Variants in LPP observed in about 807,000 individuals in gnomAD.
LPP encodes the protein lipoma-preferred partner.
A neutral mutation model predicts 60.4 loss-of-function variants in LPP; 38 were observed. The ratio of observed to expected loss-of-function variants is 0.63; its 90% confidence interval spans 0.49 to 0.83. The LOEUF (loss-of-function observed/expected upper bound fraction) is 0.83, where lower values mean the gene tolerates loss of function less well. Among genes scored for constraint, LPP ranks in the 40% least tolerant of loss-of-function variants. The pLI is 0.00. For missense variants in LPP, 902 were observed against 783.6 expected, an observed-to-expected ratio of 1.15 and a Z score of -1.80; for synonymous variants, 328 against 290.8, an observed-to-expected ratio of 1.13 and a Z score of -1.30.
At chr3:188,213,207 G>T (rs1388415040) in intron 1 of LPP, among the ~76,000 whole-genome samples, 1 of 152,134 alleles carries the variant, frequency 6.6e-6, no homozygotes, top group Non-Finnish European at 1.5e-5. Flanking sequence ...AAACAGTTAT[G>T]GTGGGATTTA....
intron 3 of LPP, among the ~76,000 whole-genome samples, chr3:188,390,291 T>C (rs114685114): frequency 0.01 from 1,537 of 152,304 alleles, 30 homozygotes; most frequent in African/African-American, 0.035. Flanking sequence ...CATTTCTTCC[T>C]CTAGATCACA....
At chr3:188,543,467 C>T (rs1825743235) in intron 6 of LPP, among the ~76,000 whole-genome samples, 1 of 152,190 alleles carries the variant, frequency 6.6e-6, no homozygotes, top group Non-Finnish European at 1.5e-5. Flanking sequence ...ACTCAGTCTG[C>T]ACTTGTATCT....
At chr3:188,472,438 T>G (rs1162547589) in intron 4 of LPP, 1 of 152,062 alleles carries the variant, frequency 6.6e-6, no homozygotes, top group African/African-American at 2.4e-5. Context: ...AATGAGTGTC[T>G]CTATTTGATT....
intron 4 of LPP, among the ~76,000 whole-genome samples, chr3:188,429,925 T>A (rs1790470597): frequency 6.6e-6 from 1 of 152,192 alleles, no homozygotes; most frequent in Non-Finnish European, 1.5e-5. Context: ...CAGGCTTCCT[T>A]ATAGCACTGT....
At chr3:188,179,529 T>C in intron 1 of LPP, 1 of 457,726 alleles carries the variant, frequency 2.2e-6, no homozygotes, top group Non-Finnish European at 4.4e-6. Flanking sequence ...ACACTTAGAG[T>C]TCCTCTCGTG....
At chr3:188,426,034 T>C (rs1417740987) in intron 4 of LPP, among the ~76,000 whole-genome samples, 1 of 152,216 alleles carries the variant, frequency 6.6e-6, no homozygotes, top group East Asian at 1.9e-4. Flanking sequence ...GTTCTTTTAA[T>C]TGCAACGTTA....
chr3:188,328,711 G>A (rs899117192), intron 2 of LPP, among the ~76,000 whole-genome samples: 9 of 152,166 alleles, frequency 5.9e-5, no homozygotes, highest in Admixed American at 3.9e-4. Context: ...GACAATCATC[G>A]TAGTTTGATC....
At chr3:188,351,576 C>T (rs1765851567) in intron 3 of LPP, among the ~76,000 whole-genome samples, 1 of 152,148 alleles carries the variant, frequency 6.6e-6, no homozygotes, top group Non-Finnish European at 1.5e-5. Flanking sequence ...ATGTGACAGG[C>T]CTTGTGACAG....
At chr3:188,206,343 G>A (rs1383965505) in intron 1 of LPP, among the ~76,000 whole-genome samples, 4 of 152,152 alleles carry the variant, frequency 2.6e-5, no homozygotes, top group African/African-American at 9.7e-5. Flanking sequence ...TTGCAACCTG[G>A]TTGTGTCTCC....
intron 9 of LPP, among the ~76,000 whole-genome samples, chr3:188,834,911 G>A (rs1483123037): frequency 6.6e-6 from 1 of 152,132 alleles, no homozygotes; most frequent in African/African-American, 2.4e-5. Context: ...CATAGAGCAT[G>A]ACAAAATTCA....
intron 1 of LPP, among the ~76,000 whole-genome samples, chr3:188,203,314 T>A (rs1336209165): frequency 2.6e-5 from 3 of 114,358 alleles, no homozygotes; most frequent in African/African-American, 1.1e-4. Flanking sequence ...TAAAAATATT[T>A]AAAAATGTAT....
intron 2 of LPP, among the ~76,000 whole-genome samples, chr3:188,233,328 G>GA (rs145781028): frequency 0.017 from 2,566 of 152,294 alleles, 65 homozygotes; most frequent in African/African-American, 0.056. Flanking sequence ...GACTAGTCCA[G>GA]GGGTGAATTC....
At chr3:188,723,921 T>A (rs1213090800) in intron 8 of LPP, among the ~76,000 whole-genome samples, 1 of 152,170 alleles carries the variant, frequency 6.6e-6, no homozygotes, top group East Asian at 1.9e-4. Context: ...TATCTTACTC[T>A]TCCTCTCTTC....
At chr3:188,730,893 G>T (rs1720212566) in intron 8 of LPP, among the ~76,000 whole-genome samples, 1 of 152,180 alleles carries the variant, frequency 6.6e-6, no homozygotes. Flanking sequence ...CTCAAAGCCT[G>T]TAACATAGCA....
intron 1 of LPP, among the ~76,000 whole-genome samples, chr3:188,208,564 G>C (rs1237399510): frequency 6.6e-6 from 1 of 152,222 alleles, no homozygotes; most frequent in African/African-American, 2.4e-5. Flanking sequence ...ATTTCAGAGA[G>C]ACTGGAGCCT....
intron 1 of LPP, among the ~76,000 whole-genome samples, chr3:188,174,288 A>G (rs1722444830): frequency 2.0e-5 from 3 of 152,254 alleles, no homozygotes. Context: ...ATACAATACT[A>G]CATTATGTTA....
intron 2 of LPP, among the ~76,000 whole-genome samples, chr3:188,298,522 T>C (rs1201839813): frequency 1.3e-5 from 2 of 152,154 alleles, no homozygotes; most frequent in South Asian, 2.1e-4. Context: ...CTCATCTCCC[T>C]AAATGTTTGG....
intron 9 of LPP, among the ~76,000 whole-genome samples, chr3:188,859,475 G>A (rs751361767): frequency 7.2e-5 from 11 of 152,016 alleles, no homozygotes; most frequent in East Asian, 1.9e-4. Context: ...CCTTTGCCTC[G>A]AATCAGTTGT....
chr3:188,594,145 A>G (rs1372031896), intron 6 of LPP, among the ~76,000 whole-genome samples: 2 of 152,176 alleles, frequency 1.3e-5, no homozygotes, highest in African/African-American at 4.8e-5. Context: ...AAGAATGTGT[A>G]AGAATTACCT....
Sources: gnomAD v4.1 joint callset for allele counts (sites outside exome capture counted in the v4.1 genomes callset) on GRCh38, gnomAD v4.1.1 for gene constraint, MANE v1.5 for transcripts, NCBI Gene and HGNC (gene_info 2026-07-23, HGNC 2026-07-21) for gene names.